Variants in CCL22 observed in about 807,000 individuals in gnomAD.
The protein encoded by CCL22 is C-C motif chemokine ligand 22.
Under a neutral mutation model 7.6 loss-of-function variants are expected in CCL22, and 7 were observed. That is an observed-to-expected ratio of 0.92 (90% CI 0.52 to 1.72). CCL22 has a LOEUF of 1.72. Ranked by LOEUF, CCL22 falls within the 40% of genes most tolerant of loss-of-function variation. CCL22 has a pLI of 0.00. For synonymous variants in CCL22, 55 were observed against 47.2 expected (o/e 1.17, Z -0.68); for missense variants, 115 against 124.7 (o/e 0.92, Z 0.37).
chr16:57,363,538 G>C lies in CCL22; in HGVS notation c.232G>C (p.Asp78His). 6.2e-7 allele frequency: 1 copy of C among 1,613,516 alleles called. No individual in the cohort carries two copies. The highest frequency in any genetic ancestry group is 8.5e-7 in the Non-Finnish European group (1 of 1,179,574). Reference sequence around the variant, plus strand: ...CTTCAGGGATAAGGAGATCTGTGCCGATCCCAGAGTGCCCTGGGTGAAGAT... The same window carrying C: ...CTTCAGGGATAAGGAGATCTGTGCCCATCCCAGAGTGCCCTGGGTGAAGAT... Reference protein sequence around the residue: ...LTFRDKEICADPRVPWVKMIL... With the variant: ...LTFRDKEICAHPRVPWVKMIL... The change falls in exon 3 of 3, where the codon GAT becomes CAT. Residue 78 changes from aspartate (D) to histidine (H), a missense_variant. By Grantham distance (81) the Asp-to-His change is moderately conservative (BLOSUM62 -1). Transcript: ENST00000219235.
chr16:57,361,379 A>G (rs1902047994), intron 2 of CCL22, among the ~76,000 whole-genome samples: 1 of 152,054 alleles, frequency 6.6e-6, no homozygotes, highest in African/African-American at 2.4e-5. Flanking sequence ...AAAATTTCCA[A>G]GGTGCCTCCC....
At position 57,365,764 on chromosome 16, in the gene CCL22, T is replaced by C. The variant is rs1313250646; in HGVS notation, c.*2176T>C. The stretch of plus-strand genomic sequence containing the variant: ...GCTTCCTCTTCCTCTTGAGAAATAT[T>C]CTTTTCATACAGCAAGTATGGGACA... On this transcript the variant is annotated 3_prime_UTR_variant, in exon 3 of 3. Transcript: ENST00000219235. 6.6e-6 allele frequency: 1 copy of C among 152,304 alleles called. No individual in the cohort carries two copies. The highest frequency in any genetic ancestry group is 1.5e-5 in the Non-Finnish European group (1 of 68,148). The allele number at this position is 152,304 out of a possible 1,614,324, so 9.4% of individuals were successfully genotyped here.
Position 57,363,922 on chromosome 16 carries a change from A to C in CCL22, c.*334A>C. 4.0e-6 allele frequency: 1 copy of C among 251,864 alleles called. No homozygotes were observed. The highest frequency in any genetic ancestry group is 7.8e-6 in the Non-Finnish European group (1 of 128,002). The allele number at this position is 251,864 out of a possible 1,614,324, so 15.6% of individuals were successfully genotyped here. ...ATGTGGCCCTCTGGATCTGGGTTCC[A>C]TCTCTGTCTCCAGCCTGCCCACTTC... On this transcript the variant is annotated 3_prime_UTR_variant, in exon 3 of 3. Coordinates refer to ENST00000219235, the MANE Select transcript of CCL22 (RefSeq NM_002990.5).
At position 57,360,426 on chromosome 16, in the gene CCL22, C is replaced by A; in HGVS notation, c.74-11C>A. On this transcript the variant is annotated splice_polypyrimidine_tract_variant and intron_variant, in intron 1 of 2. Transcript: ENST00000219235. The stretch of plus-strand genomic sequence containing the variant: ...TCCAGCTTGTGAATTCACTGGGGAC[C>A]CCTCCCCTAGGCCCCTACGGCGCCA... 6.2e-7 allele frequency: 1 copy of A among 1,614,044 alleles called. No homozygotes were observed. Among genetic ancestry groups the A allele is most frequent in the South Asian group, 1.1e-5 (1 of 91,072 alleles).
intron 2 of CCL22, among the ~76,000 whole-genome samples, chr16:57,362,321 A>AT (rs1331806032): frequency 6.6e-6 from 1 of 151,888 alleles, no homozygotes; most frequent in East Asian, 2.0e-4. Flanking sequence ...TCTTTATTTC[A>AT]TTTTTTTAAA....
At chr16:57,357,918 G>T (rs566898747), upstream of CCL22, among the ~76,000 whole-genome samples, 1 of 152,282 alleles carries the variant, frequency 6.6e-6, no homozygotes, top group Admixed American at 6.5e-5. Flanking sequence ...ACAGGAGCCC[G>T]GGACCTGCCT....
chr16:57,358,287 G>A (rs556551952), upstream of CCL22, among the ~76,000 whole-genome samples: 9 of 152,196 alleles, frequency 5.9e-5, no homozygotes, highest in East Asian at 1.9e-4. Context: ...TGGACTTCAC[G>A]AGAAGCCCCA....
chr16:57,358,706 C>G (rs1228799749), upstream of CCL22: 8 of 786,038 alleles, frequency 1.0e-5, no homozygotes, highest in Middle Eastern at 6.9e-4. Context: ...CTGGGCACCC[C>G]GGTGACTAAG....
intron 2 of CCL22, 128 bp downstream of exon 2, chr16:57,360,688 C>G: frequency 1.8e-6 from 2 of 1,137,960 alleles, no homozygotes; most frequent in Non-Finnish European, 2.5e-6. Context: ...AGATGCCTGC[C>G]AGGATGGCTT....
At chr16:57,360,154 A>G (rs1209891152) in intron 1 of CCL22, among the ~76,000 whole-genome samples, 14 of 152,150 alleles carry the variant, frequency 9.2e-5, no homozygotes, top group African/African-American at 3.4e-4. Context: ...TGGTCAGAGG[A>G]GGAAATTGGG....
At chr16:57,359,379 A>C (rs1189859944) in intron 1 of CCL22, among the ~76,000 whole-genome samples, 1 of 151,952 alleles carries the variant, frequency 6.6e-6, no homozygotes, top group Admixed American at 6.6e-5. Context: ...GCAGTGGGGC[A>C]ATCTTGGCCC....
Position 57,365,107 on chromosome 16 carries a change from C to G in CCL22, c.*1519C>G, listed in dbSNP as rs1393662988. On this transcript the variant is annotated 3_prime_UTR_variant, in exon 3 of 3. Coordinates refer to ENST00000219235, the MANE Select transcript of CCL22 (RefSeq NM_002990.5). ...GTGAGCTATCACACCCAGCCTCCCC[C>G]TTTTTTTCCTAATAGGAGACTCCTG... is the stretch of plus-strand genomic sequence containing the variant. 1 of 151,952 alleles carries G rather than the reference C, an allele frequency of 6.6e-6. No individual in the cohort carries two copies. The highest frequency in any genetic ancestry group is 6.6e-5 in the Admixed American group (1 of 15,266). 9.4% of individuals were successfully genotyped at this position (151,952 alleles called of 1,614,324 possible). A position where few individuals can be genotyped will look rare whatever the true frequency, so the allele number is the denominator to read the frequency against.
chr16:57,362,090 C>T (rs984109353), intron 2 of CCL22, among the ~76,000 whole-genome samples: 1 of 152,204 alleles, frequency 6.6e-6, no homozygotes, highest in Non-Finnish European at 1.5e-5. Context: ...TCGTGACCCC[C>T]TTTTCACAGG....
At chr16:57,358,702 AC>A, upstream of CCL22, 1 of 766,328 alleles carries the variant, frequency 1.3e-6, no homozygotes. Context: ...GACTCTGGGC[AC>A]CCCGGTGACT....
intron 1 of CCL22, among the ~76,000 whole-genome samples, chr16:57,359,822 G>C (rs1364978361): frequency 2.0e-5 from 3 of 151,662 alleles, no homozygotes; most frequent in Non-Finnish European, 4.4e-5. Context: ...TAGTAAAGAT[G>C]GGGTTTCACC....
intron 1 of CCL22, among the ~76,000 whole-genome samples, 184 bp downstream of exon 1, chr16:57,359,073 T>A (rs1179628499): frequency 6.6e-6 from 1 of 152,126 alleles, no homozygotes; most frequent in Non-Finnish European, 1.5e-5. Context: ...GAATGGGCAG[T>A]CTTGAAGACT....
Position 57,363,901 on chromosome 16 carries a change from G to T in CCL22, c.*313G>T. 1 of 269,006 alleles carries T rather than the reference G, an allele frequency of 3.7e-6. No homozygotes were observed. Among genetic ancestry groups the T allele is most frequent in the South Asian group, 6.9e-5 (1 of 14,522 alleles). 16.7% of individuals were successfully genotyped at this position (269,006 alleles called of 1,614,324 possible). ...GGTCAGTCTCCCAAGCCTGGCATGT[G>T]GCCCTCTGGATCTGGGTTCCATCTC... On this transcript the variant is annotated 3_prime_UTR_variant, in exon 3 of 3. Coordinates refer to ENST00000219235, the MANE Select transcript of CCL22 (RefSeq NM_002990.5).
chr16:57,363,939 G>A lies in CCL22; in HGVS notation c.*351G>A. On this transcript the variant is annotated 3_prime_UTR_variant, in exon 3 of 3. Coordinates refer to ENST00000219235, the MANE Select transcript of CCL22 (RefSeq NM_002990.5). ...TGGGTTCCATCTCTGTCTCCAGCCT[G>A]CCCACTTCCCTTCATGAATGTTGGG... 2 of 232,130 alleles carry A rather than the reference G, an allele frequency of 8.6e-6. No homozygotes were observed. The highest frequency in any genetic ancestry group is 8.6e-6 in the Non-Finnish European group (1 of 116,042). The allele number at this position is 232,130 out of a possible 1,614,324, so 14.4% of individuals were successfully genotyped here.
intron 2 of CCL22, 23 bp from the exon 3 acceptor site, chr16:57,363,481 T>C (rs1902071368): frequency 1.9e-6 from 3 of 1,554,358 alleles, no homozygotes; most frequent in Non-Finnish European, 2.7e-6. Context: ...TGCTGCATTG[T>C]CTCTGGGGTC....
Sources: allele counts gnomAD v4.1 joint callset (sites outside exome capture counted in the v4.1 genomes callset), GRCh38; gene constraint gnomAD v4.1.1; transcripts MANE v1.5; gene names NCBI Gene and HGNC (gene_info 2026-07-23, HGNC 2026-07-21).